CSMD1: variants seen among roughly 807,000 people sequenced by gnomAD.
The protein encoded by CSMD1 is CUB and sushi domain-containing protein 1.
A neutral mutation model predicts 417.5 loss-of-function variants in CSMD1; 213 were observed. The observed-to-expected ratio is 0.51, with a 90% CI of 0.46 to 0.57. CSMD1 has a LOEUF of 0.57. Ranked by LOEUF, CSMD1 falls within the 20% of genes least tolerant of loss-of-function variation. CSMD1 has a pLI of 0.00. For synonymous variants in CSMD1, 2,862 were observed against 1,736.8 expected (o/e 1.65, Z -16.11); for missense variants, 6,923 against 4,529.7 (o/e 1.53, Z -15.17).
chr8:4,161,268 A>C (rs754122044), intron 3 of CSMD1, among the ~76,000 whole-genome samples: 5 of 152,224 alleles, frequency 3.3e-5, no homozygotes, highest in Non-Finnish European at 5.9e-5. Flanking sequence ...TGAGCCTTAG[A>C]AACATTACAT....
At chr8:4,193,187 G>C (rs951340557) in intron 3 of CSMD1, among the ~76,000 whole-genome samples, 1 of 152,072 alleles carries the variant, frequency 6.6e-6, no homozygotes, top group African/African-American at 2.4e-5. Context: ...TCAGCTCTTT[G>C]GAGTCATAAG....
At chr8:4,377,649 G>T (rs1017998156) in intron 3 of CSMD1, among the ~76,000 whole-genome samples, 1 of 152,066 alleles carries the variant, frequency 6.6e-6, no homozygotes, top group Non-Finnish European at 1.5e-5. Flanking sequence ...CATTTATAAG[G>T]TTCTTTTTAG....
chr8:3,769,676 A>G (rs986100878), intron 5 of CSMD1, among the ~76,000 whole-genome samples: 3 of 152,128 alleles, frequency 2.0e-5, no homozygotes, highest in Admixed American at 2.0e-4. Flanking sequence ...ATATCTATAT[A>G]TATATGATGT....
chr8:4,708,108 A>T (rs950336620), intron 1 of CSMD1, among the ~76,000 whole-genome samples: 1 of 141,344 alleles, frequency 7.1e-6, no homozygotes, highest in African/African-American at 2.5e-5. Context: ...TACACTGGCT[A>T]ATTTTTTGTA....
rs1303276494 is a variant in CSMD1, at chr8:2,936,103, T to G, written c.*2482A>C. 1 of 151,920 alleles carries G rather than the reference T, an allele frequency of 6.6e-6. No individual in the cohort carries two copies. Among genetic ancestry groups the G allele is most frequent in the East Asian group, 1.9e-4 (1 of 5,180 alleles). 9.4% of individuals were successfully genotyped at this position (151,920 alleles called of 1,614,324 possible). ...CTTAGGAAGAAACTAGGCAGAATTC[T>G]CACACGAGAATTTCACTGATTTTTT... is the stretch of plus-strand genomic sequence containing the variant. On this transcript the variant is annotated 3_prime_UTR_variant, in exon 70 of 70. Transcript: ENST00000635120.
chr8:3,900,339 G>A lies in CSMD1; in HGVS notation c.818+97564C>T, dbSNP rs73174404. The stretch of plus-strand genomic sequence containing the variant: ...TGCAGCTGGATGACACTACAGCTGG[G>A]TGACAGTGTAGCTGGTTGACAGCAC... On this transcript the variant is annotated intron_variant, in intron 5 of 69. Transcript: ENST00000635120. Among the ~76,000 whole-genome samples, 460 of 151,918 alleles carry A rather than the reference G, an allele frequency of 3.0e-3. 5 individuals are homozygous for A. The highest frequency in any genetic ancestry group is 5.6e-3 in the Non-Finnish European group (380 of 67,908).
At chr8:4,176,005 C>T (rs574691134) in intron 3 of CSMD1, among the ~76,000 whole-genome samples, 1 of 152,128 alleles carries the variant, frequency 6.6e-6, no homozygotes, top group African/African-American at 2.4e-5. Context: ...GAGGCTAGCC[C>T]AGGCTTCTCG....
At chr8:4,132,412 G>C (rs1803165805) in intron 3 of CSMD1, among the ~76,000 whole-genome samples, 1 of 151,972 alleles carries the variant, frequency 6.6e-6, no homozygotes. Flanking sequence ...TGAAAATGAT[G>C]TTTACCCATA....
intron 30 of CSMD1, among the ~76,000 whole-genome samples, chr8:3,206,909 A>G (rs955751831): frequency 2.6e-5 from 4 of 152,042 alleles, no homozygotes; most frequent in African/African-American, 9.7e-5. Context: ...TTATATTTCT[A>G]CATGAGAAGG....
chr8:3,052,945 A>G (rs1298446850), intron 49 of CSMD1, among the ~76,000 whole-genome samples: 1 of 151,978 alleles, frequency 6.6e-6, no homozygotes, highest in African/African-American at 2.4e-5. Context: ...GCACACCACC[A>G]TGCTGGCTAA....
At chr8:3,323,449 C>CT (rs1806284590) in intron 23 of CSMD1, among the ~76,000 whole-genome samples, 1 of 150,948 alleles carries the variant, frequency 6.6e-6, no homozygotes, top group African/African-American at 2.4e-5. Context: ...ATTCTGAACC[C>CT]CTCTCTCTCT....
chr8:3,849,045 A>G (rs1020627856), intron 5 of CSMD1, among the ~76,000 whole-genome samples: 1 of 152,068 alleles, frequency 6.6e-6, no homozygotes, highest in Non-Finnish European at 1.5e-5. Context: ...ACTTAGTGGC[A>G]TGCAGTTTTG....
chr8:3,544,003 A>G (rs1798551070), intron 10 of CSMD1, among the ~76,000 whole-genome samples: 1 of 152,156 alleles, frequency 6.6e-6, no homozygotes, highest in Admixed American at 6.5e-5. Flanking sequence ...ATCAAGAAGC[A>G]GAGTCTAAGT....
intron 3 of CSMD1, among the ~76,000 whole-genome samples, chr8:4,388,093 C>T (rs1480416408): frequency 1.3e-5 from 2 of 152,118 alleles, no homozygotes; most frequent in East Asian, 3.9e-4. Context: ...TAAACCAGGA[C>T]TAAAGATACA....
chr8:4,113,199 C>A (rs376961002), intron 3 of CSMD1, among the ~76,000 whole-genome samples: 1 of 151,944 alleles, frequency 6.6e-6, no homozygotes, highest in African/African-American at 2.4e-5. Flanking sequence ...TATTGAAATT[C>A]GGACAGTTAA....
At chr8:3,631,242 C>T (rs1021108) in intron 7 of CSMD1, among the ~76,000 whole-genome samples, 82,392 of 151,742 alleles carry the variant, frequency 0.54, 22,854 homozygotes, top group East Asian at 0.72. Flanking sequence ...CGATCACAAA[C>T]TGTATCCTTC....
At chr8:3,754,300 A>C (rs1191307655) in intron 5 of CSMD1, among the ~76,000 whole-genome samples, 4 of 152,212 alleles carry the variant, frequency 2.6e-5, no homozygotes, top group African/African-American at 4.8e-5. Context: ...TTAATGGTGA[A>C]TGCAGGAGGA....
chr8:4,689,879 C>A (rs1806653703), intron 1 of CSMD1, among the ~76,000 whole-genome samples: 1 of 152,144 alleles, frequency 6.6e-6, no homozygotes, highest in Non-Finnish European at 1.5e-5. Flanking sequence ...ATGATTAAAA[C>A]TACTATGGAG....
At chr8:3,777,052 T>C (rs1325499433) in intron 5 of CSMD1, among the ~76,000 whole-genome samples, 1 of 151,826 alleles carries the variant, frequency 6.6e-6, no homozygotes, top group Non-Finnish European at 1.5e-5. Flanking sequence ...GAAATCTGTC[T>C]ATATCTGTTT....
Sources: gnomAD v4.1 joint callset for allele counts (sites outside exome capture counted in the v4.1 genomes callset) on GRCh38, gnomAD v4.1.1 for gene constraint, MANE v1.5 for transcripts, NCBI Gene and HGNC (gene_info 2026-07-23, HGNC 2026-07-21) for gene names.